FAM227B: variants seen among roughly 807,000 people sequenced by gnomAD.
The protein encoded by FAM227B is protein FAM227B.
Under a neutral mutation model 73.8 loss-of-function variants are expected in FAM227B, and 88 were observed. The observed-to-expected ratio is 1.19, with a 90% CI of 1.00 to 1.42. The LOEUF (loss-of-function observed/expected upper bound fraction) is 1.42, where lower values mean the gene tolerates loss of function less well. Among genes scored for constraint, FAM227B ranks in the 40% most tolerant of loss-of-function variants. FAM227B has a pLI of 0.00. For synonymous variants in FAM227B, 210 were observed against 190.5 expected, an observed-to-expected ratio of 1.10 and a Z score of -0.84; for missense variants, 632 against 590.9, an observed-to-expected ratio of 1.07 and a Z score of -0.72.
intron 7 of FAM227B, 51 bp from the exon 8 acceptor site, chr15:49,575,160 A>G: frequency 1.0e-6 from 1 of 997,618 alleles, no homozygotes; most frequent in Non-Finnish European, 1.5e-6. Context: ...TATATTACAA[A>G]ACATGTTAAT....
chr15:49,336,693 C>T (rs2039773975), intron 13 of FAM227B, among the ~76,000 whole-genome samples: 1 of 152,026 alleles, frequency 6.6e-6, no homozygotes, highest in Non-Finnish European at 1.5e-5. Flanking sequence ...TTGGTAAGTA[C>T]TTTCTAAAAA....
At chr15:49,590,250 A>G (rs1325442470) in intron 3 of FAM227B, among the ~76,000 whole-genome samples, 1 of 152,182 alleles carries the variant, frequency 6.6e-6, no homozygotes, top group Non-Finnish European at 1.5e-5. Flanking sequence ...TAAAACGTCA[A>G]TGTATATTTC....
At chr15:49,510,293 A>G (rs1273995041) in intron 10 of FAM227B, among the ~76,000 whole-genome samples, 2 of 152,164 alleles carry the variant, frequency 1.3e-5, no homozygotes, top group African/African-American at 2.4e-5. Context: ...TCTTGTTGAC[A>G]GCTGAACCAG....
chr15:49,365,423 GCAAGCAA>G (rs2044976466), intron 13 of FAM227B: 1 of 966,900 alleles, frequency 1.0e-6, no homozygotes, highest in African/African-American at 1.6e-5. Flanking sequence ...TCTACAGTAC[GCAAGCAA>G]CAGGCCTGTA....
chr15:49,464,744 G>A (rs562271370), intron 11 of FAM227B, among the ~76,000 whole-genome samples: 1 of 152,260 alleles, frequency 6.6e-6, no homozygotes, highest in Non-Finnish European at 1.5e-5. Flanking sequence ...AAGAATGTAA[G>A]ACACAAAACA....
chr15:49,402,980 A>C (rs1332815793), intron 11 of FAM227B, among the ~76,000 whole-genome samples: 1 of 152,096 alleles, frequency 6.6e-6, no homozygotes, highest in Admixed American at 6.5e-5. Context: ...AGAGTTTTTA[A>C]CTTGAAAGCA....
intron 11 of FAM227B, among the ~76,000 whole-genome samples, chr15:49,462,371 G>A (rs1389079465): frequency 2.6e-5 from 4 of 151,978 alleles, no homozygotes; most frequent in East Asian, 3.9e-4. Context: ...AGAAATTTTC[G>A]GATGATATTT....
intron 9 of FAM227B, among the ~76,000 whole-genome samples, chr15:49,566,725 T>C (rs964401681): frequency 2.6e-5 from 4 of 152,164 alleles, no homozygotes; most frequent in Non-Finnish European, 5.9e-5. Context: ...ACAGGGAGTT[T>C]TAAAGGAAGA....
intron 13 of FAM227B, 95 bp from the exon 14 acceptor site, chr15:49,335,591 T>C: frequency 1.3e-6 from 1 of 799,252 alleles, no homozygotes; most frequent in Non-Finnish European, 2.1e-6. Flanking sequence ...CCGTGTGACC[T>C]TCACTTTTCA....
At chr15:49,566,544 A>T (rs1433152867) in intron 9 of FAM227B, among the ~76,000 whole-genome samples, 1 of 152,168 alleles carries the variant, frequency 6.6e-6, no homozygotes, top group African/African-American at 2.4e-5. Flanking sequence ...CTGGAAGATA[A>T]TTTTTTTCTT....
chr15:49,365,514 TG>T (rs2044994897), intron 13 of FAM227B: 24 of 853,364 alleles, frequency 2.8e-5, no homozygotes, highest in Non-Finnish European at 2.1e-6. Flanking sequence ...AGATCAGCTT[TG>T]GTACTCTGAT....
intron 11 of FAM227B, among the ~76,000 whole-genome samples, chr15:49,463,708 T>C (rs930835803): frequency 6.6e-6 from 1 of 152,230 alleles, no homozygotes; most frequent in African/African-American, 2.4e-5. Flanking sequence ...TATGCTTCTG[T>C]GCCTTTCTCA....
At chr15:49,551,401 G>C (rs1021816702) in intron 9 of FAM227B, among the ~76,000 whole-genome samples, 1 of 152,068 alleles carries the variant, frequency 6.6e-6, no homozygotes, top group African/African-American at 2.4e-5. Context: ...AGTCTATTTT[G>C]TCTGATACAA....
intron 11 of FAM227B, among the ~76,000 whole-genome samples, chr15:49,373,386 C>T (rs1347216758): frequency 6.6e-6 from 1 of 151,926 alleles, no homozygotes; most frequent in Non-Finnish European, 1.5e-5. Context: ...CATTAAAATG[C>T]CTATATTTAT....
intron 10 of FAM227B, among the ~76,000 whole-genome samples, chr15:49,512,641 A>G (rs568978489): frequency 2.0e-4 from 31 of 152,216 alleles, no homozygotes; most frequent in African/African-American, 7.2e-4. Context: ...GGTTTGTTAC[A>G]TAGGTATACA....
In FAM227B at chr15:49,589,777, T is replaced by C; in HGVS notation, c.336A>G (p.Thr112=). The C allele has an allele frequency of 1.3e-6, 2 of 1,538,342 alleles. No individual in the cohort carries two copies. Among genetic ancestry groups the C allele is most frequent in the South Asian group, 2.3e-5 (2 of 88,828 alleles). The part of the protein sequence containing the change: ...IFKWKSMISE[T]SSYRKLERYG... Reference sequence around the variant, plus strand: ...AAGATAAAAATAAATAAGGCTCACTTGTCTCAGAAATCATGCTTTTCCACT... The same window carrying C: ...AAGATAAAAATAAATAAGGCTCACTCGTCTCAGAAATCATGCTTTTCCACT... The change falls in exon 4 of 16, where the codon ACA becomes ACG. Residue 112 remains threonine (T), a splice_region_variant and synonymous_variant. Coordinates refer to ENST00000299338, the MANE Select transcript of FAM227B (RefSeq NM_152647.3).
At chr15:49,539,010 T>G (rs1478521467) in intron 10 of FAM227B, among the ~76,000 whole-genome samples, 1 of 152,184 alleles carries the variant, frequency 6.6e-6, no homozygotes, top group Non-Finnish European at 1.5e-5. Context: ...TTTTCCTTGT[T>G]TCTTTTTGCC....
At chr15:49,590,425 T>G (rs992691917) in intron 3 of FAM227B, among the ~76,000 whole-genome samples, 1 of 152,182 alleles carries the variant, frequency 6.6e-6, no homozygotes, top group Admixed American at 6.5e-5. Flanking sequence ...AAATGTTAAG[T>G]TTTGGCTTCA....
chr15:49,410,390 TG>T (rs2048792635), intron 11 of FAM227B, among the ~76,000 whole-genome samples: 1 of 152,194 alleles, frequency 6.6e-6, no homozygotes, highest in Non-Finnish European at 1.5e-5. Flanking sequence ...CTTTATGTTT[TG>T]TAAGTAGTTT....
Sources: allele counts gnomAD v4.1 joint callset (sites outside exome capture counted in the v4.1 genomes callset), GRCh38; gene constraint gnomAD v4.1.1; transcripts MANE v1.5; gene names NCBI Gene and HGNC (gene_info 2026-07-23, HGNC 2026-07-21).